CALN1: variants seen among roughly 807,000 people sequenced by gnomAD.
CALN1 encodes the protein calcium-binding protein 8.
CALN1 carries 17 observed loss-of-function variants against 30.6 expected under a neutral mutation model. The observed-to-expected ratio is 0.56, with a 90% CI of 0.38 to 0.83. The LOEUF (loss-of-function observed/expected upper bound fraction) is 0.83, where lower values mean the gene tolerates loss of function less well. Among genes scored for constraint, CALN1 ranks in the 40% least tolerant of loss-of-function variants. The pLI is 0.00. For missense variants in CALN1, 291 were observed against 354.9 expected (o/e 0.82, Z 1.45); for synonymous variants, 156 against 131.4 (o/e 1.19, Z -1.28).
chr7:72,103,763 G>A (rs192661878), intron 4 of CALN1, among the ~76,000 whole-genome samples: 5 of 151,886 alleles, frequency 3.3e-5, no homozygotes, highest in African/African-American at 1.2e-4. Context: ...GGAAATGGAG[G>A]GGGGGGGAAG....
intron 5 of CALN1, among the ~76,000 whole-genome samples, chr7:72,021,729 G>A (rs573075597): frequency 6.6e-6 from 1 of 152,238 alleles, no homozygotes; most frequent in East Asian, 1.9e-4. Flanking sequence ...TTCCCTCGGT[G>A]AGCTCATCCT....
At chr7:71,816,604 A>G (rs755717302) in intron 5 of CALN1, among the ~76,000 whole-genome samples, 1 of 152,154 alleles carries the variant, frequency 6.6e-6, no homozygotes, top group Admixed American at 6.6e-5. Flanking sequence ...AAATCAGGCC[A>G]AAAGATTGGT....
At chr7:71,886,763 G>A (rs1355157276) in intron 5 of CALN1, among the ~76,000 whole-genome samples, 2 of 134,174 alleles carry the variant, frequency 1.5e-5, no homozygotes, top group Non-Finnish European at 3.1e-5. Context: ...ACAAAAGTGA[G>A]ACTCCATCTC....
At chr7:72,251,657 T>A (rs1795566838) in intron 3 of CALN1, among the ~76,000 whole-genome samples, 1 of 152,132 alleles carries the variant, frequency 6.6e-6, no homozygotes, top group Non-Finnish European at 1.5e-5. Flanking sequence ...TACCTCAGCC[T>A]CCCAAAGTGC....
At position 71,930,066 on chromosome 7, in the gene CALN1, A is replaced by C. The variant is rs1408379683; in HGVS notation, c.501+93591T>G. On this transcript the variant is annotated intron_variant, in intron 5 of 6. Transcript: ENST00000395275. ...TTACTTACAATACCGAATGCAATGT[A>C]AATGTTATGTAAATAGTTGTTATAT... is the stretch of plus-strand genomic sequence containing the variant. Among the ~76,000 whole-genome samples the C allele has an allele frequency of 2.6e-5, 4 of 152,330 alleles. No homozygotes were observed. In the South Asian group the frequency reaches 6.2e-4, roughly 24 times the overall value.
chr7:72,148,111 AAAC>A (rs1379868782), intron 3 of CALN1, among the ~76,000 whole-genome samples: 5 of 150,144 alleles, frequency 3.3e-5, no homozygotes, highest in South Asian at 2.1e-4. Flanking sequence ...TAAAAAAAAA[AAAC>A]AACCAACCAA....
intron 3 of CALN1, among the ~76,000 whole-genome samples, chr7:72,117,280 C>T (rs1431681508): frequency 1.3e-5 from 2 of 152,148 alleles, no homozygotes; most frequent in Non-Finnish European, 2.9e-5. Context: ...TCATACCACA[C>T]TTAAGAAGTC....
intron 2 of CALN1, among the ~76,000 whole-genome samples, chr7:72,375,088 G>T (rs1214183588): frequency 1.3e-5 from 2 of 152,172 alleles, no homozygotes; most frequent in Non-Finnish European, 2.9e-5. Flanking sequence ...CATGGTAGTT[G>T]TATTAATTTG....
chr7:72,316,547 A>C (rs560303201), intron 2 of CALN1, among the ~76,000 whole-genome samples: 1 of 152,212 alleles, frequency 6.6e-6, no homozygotes, highest in South Asian at 2.1e-4. Flanking sequence ...ATCAATGATT[A>C]CCTCTGGGGT....
chr7:72,260,572 C>T (rs1010572448), intron 3 of CALN1, among the ~76,000 whole-genome samples: 2 of 152,140 alleles, frequency 1.3e-5, no homozygotes, highest in African/African-American at 4.8e-5. Flanking sequence ...CAGCTCAGGG[C>T]ACTTTTCCCA....
chr7:72,192,803 C>T (rs1426080555), intron 3 of CALN1, among the ~76,000 whole-genome samples: 2 of 114,092 alleles, frequency 1.8e-5, no homozygotes, highest in African/African-American at 6.6e-5. Context: ...TCCCTCCCCC[C>T]TCCCCCCACC....
intron 2 of CALN1, among the ~76,000 whole-genome samples, chr7:72,390,117 A>C (rs371321053): frequency 9.1e-4 from 138 of 152,046 alleles, no homozygotes; most frequent in Middle Eastern, 3.4e-3. Context: ...CTGAAAAAAG[A>C]AGCACTGGCT....
At chr7:72,224,095 C>G (rs1434566968) in intron 3 of CALN1, among the ~76,000 whole-genome samples, 1 of 152,120 alleles carries the variant, frequency 6.6e-6, no homozygotes, top group Non-Finnish European at 1.5e-5. Context: ...CCCAATATCA[C>G]ACAATATACC....
At chr7:72,413,689 ACT>A (rs1585702164), upstream of CALN1, among the ~76,000 whole-genome samples, 3 of 152,002 alleles carry the variant, frequency 2.0e-5, no homozygotes, top group South Asian at 2.1e-4. Flanking sequence ...ATACATTCAC[ACT>A]CACACTACAC....
At chr7:72,329,110 T>C (rs1309423935) in intron 2 of CALN1, among the ~76,000 whole-genome samples, 1 of 152,222 alleles carries the variant, frequency 6.6e-6, no homozygotes, top group African/African-American at 2.4e-5. Flanking sequence ...TTAACATTTT[T>C]GGTCCATTTA....
At chr7:72,131,530 G>GTGAATTCA (rs1415832894) in intron 3 of CALN1, among the ~76,000 whole-genome samples, 1 of 152,130 alleles carries the variant, frequency 6.6e-6, no homozygotes, top group African/African-American at 2.4e-5. Flanking sequence ...ACTGTTCTAA[G>GTGAATTCA]TGAATTCAAT....
chr7:72,447,679 T>G (rs564381248), upstream of CALN1, among the ~76,000 whole-genome samples: 31 of 150,816 alleles, frequency 2.1e-4, no homozygotes, highest in South Asian at 6.1e-3. Context: ...CACACACCCA[T>G]GCCTGCCTAT....
intron 2 of CALN1, among the ~76,000 whole-genome samples, chr7:72,295,191 A>G (rs1158975349): frequency 6.6e-6 from 1 of 152,198 alleles, no homozygotes; most frequent in Admixed American, 6.5e-5. Flanking sequence ...AGAAGCCAAA[A>G]TTGAAAATTT....
At chr7:72,051,815 G>A (rs946444975) in intron 4 of CALN1, among the ~76,000 whole-genome samples, 4 of 152,128 alleles carry the variant, frequency 2.6e-5, no homozygotes, top group Admixed American at 6.5e-5. Context: ...TGGTCTCTAT[G>A]GAAGCTGCAA....
Sources: gnomAD v4.1 joint callset for allele counts (sites outside exome capture counted in the v4.1 genomes callset) on GRCh38, gnomAD v4.1.1 for gene constraint, MANE v1.5 for transcripts, NCBI Gene and HGNC (gene_info 2026-07-23, HGNC 2026-07-21) for gene names.